CBR4: variants seen among roughly 807,000 people sequenced by gnomAD.
CBR4 encodes the protein 3-oxoacyl-[acyl-carrier-protein] reductase.
In CBR4, 22 loss-of-function variants were observed where a neutral mutation model predicts 21.0. That is an observed-to-expected ratio of 1.05 (90% confidence interval 0.75 to 1.50). CBR4 has a LOEUF of 1.50. Ranked by LOEUF, CBR4 falls within the 40% of genes most tolerant of loss-of-function variation. CBR4 has a pLI of 0.00. For missense variants in CBR4, 302 were observed against 286.3 expected (o/e 1.05, Z -0.40); for synonymous variants, 100 against 104.4 (o/e 0.96, Z 0.26).
intron 2 of CBR4, among the ~76,000 whole-genome samples, chr4:168,953,531 T>A (rs1763604730): frequency 6.6e-6 from 1 of 151,442 alleles, no homozygotes; most frequent in Non-Finnish European, 1.5e-5. Flanking sequence ...GACCAAGCAA[T>A]CCTCCTACAT....
At chr4:168,922,377 T>C (rs1165925449) in intron 2 of CBR4, among the ~76,000 whole-genome samples, 1 of 152,178 alleles carries the variant, frequency 6.6e-6, no homozygotes, top group Non-Finnish European at 1.5e-5. Flanking sequence ...TAACAAAACA[T>C]TTATTTCTTC....
intron 1 of CBR4, chr4:169,008,840 T>A (rs116518921): frequency 7.8e-4 from 304 of 391,498 alleles, no homozygotes; most frequent in African/African-American, 5.9e-3. Context: ...CTCCCTGACC[T>A]ATAACTTACA....
intron 2 of CBR4, among the ~76,000 whole-genome samples, chr4:168,979,706 TG>T (rs1764483437): frequency 6.6e-6 from 1 of 151,936 alleles, no homozygotes; most frequent in South Asian, 2.1e-4. Context: ...CTCTTCACCA[TG>T]TAGGGCCTCT....
At chr4:168,994,737 C>T (rs1029153039) in intron 4 of CBR4, among the ~76,000 whole-genome samples, 1 of 143,854 alleles carries the variant, frequency 7.0e-6, no homozygotes, top group African/African-American at 2.6e-5. Flanking sequence ...TACCACCACG[C>T]CTGGCTAATT....
intron 2 of CBR4, among the ~76,000 whole-genome samples, chr4:168,945,555 C>T (rs146939811): frequency 7.2e-5 from 11 of 152,156 alleles, no homozygotes; most frequent in African/African-American, 2.6e-4. Flanking sequence ...GGCAGCCTCA[C>T]TTGATTTGTT....
At chr4:168,941,963 C>T (rs1763276169) in intron 2 of CBR4, among the ~76,000 whole-genome samples, 2 of 152,098 alleles carry the variant, frequency 1.3e-5, no homozygotes, top group African/African-American at 4.8e-5. Flanking sequence ...TTTACAGTAG[C>T]AAAGACTTGG....
intron 2 of CBR4, among the ~76,000 whole-genome samples, chr4:168,912,757 T>A (rs895766045): frequency 2.6e-5 from 4 of 152,198 alleles, no homozygotes; most frequent in Non-Finnish European, 5.9e-5. Flanking sequence ...TCCAGCTATA[T>A]GAAAATACAC....
chr4:168,985,240 G>A (rs1199068279), downstream of CBR4, among the ~76,000 whole-genome samples: 2 of 152,120 alleles, frequency 1.3e-5, no homozygotes, highest in Non-Finnish European at 2.9e-5. Context: ...GATGTGAACA[G>A]ACATTTCTCA....
intron 2 of CBR4, among the ~76,000 whole-genome samples, chr4:168,957,643 A>G (rs1243061642): frequency 5.3e-5 from 8 of 152,194 alleles, no homozygotes; most frequent in Admixed American, 2.0e-4. Flanking sequence ...TCCCAGGCCC[A>G]GACAACTGTT....
intron 2 of CBR4, among the ~76,000 whole-genome samples, chr4:168,938,970 A>G (rs1352285474): frequency 6.6e-6 from 1 of 152,218 alleles, no homozygotes; most frequent in Non-Finnish European, 1.5e-5. Flanking sequence ...TCCTGATACC[A>G]AAACCTGGCA....
intron 4 of CBR4, among the ~76,000 whole-genome samples, chr4:169,000,180 A>G (rs1033584397): frequency 1.3e-5 from 2 of 152,250 alleles, no homozygotes; most frequent in African/African-American, 4.8e-5. Context: ...TAGTTCATCT[A>G]GGCTAACGCT....
intron 4 of CBR4, among the ~76,000 whole-genome samples, chr4:168,995,875 G>A (rs1414161279): frequency 6.6e-6 from 1 of 152,298 alleles, no homozygotes; most frequent in East Asian, 1.9e-4. Context: ...ATAAGGTCTT[G>A]TTAAATGTTA....
At chr4:168,903,455 C>T (rs1008568461) in intron 2 of CBR4, among the ~76,000 whole-genome samples, 2 of 152,022 alleles carry the variant, frequency 1.3e-5, no homozygotes, top group Non-Finnish European at 2.9e-5. Flanking sequence ...GAAGTAATGC[C>T]ACTTCATAGA....
At chr4:168,914,054 A>G (rs750730697) in intron 2 of CBR4, 2 of 1,243,304 alleles carry the variant, frequency 1.6e-6, no homozygotes, top group Non-Finnish European at 2.4e-6. Context: ...GAAGTGTTAC[A>G]TTATTTTATT....
chr4:168,974,575 C>A (rs981852007), intron 2 of CBR4, among the ~76,000 whole-genome samples: 2 of 152,034 alleles, frequency 1.3e-5, no homozygotes, highest in African/African-American at 4.8e-5. Context: ...TAACATAATT[C>A]CCAAATTTCT....
At chr4:168,919,333 G>A (rs1760927592) in intron 2 of CBR4, among the ~76,000 whole-genome samples, 1 of 152,040 alleles carries the variant, frequency 6.6e-6, no homozygotes. Context: ...AGACCAGCCT[G>A]GCCAACATGG....
intron 2 of CBR4, among the ~76,000 whole-genome samples, chr4:168,931,019 C>T (rs1237977885): frequency 6.6e-6 from 1 of 152,198 alleles, no homozygotes; most frequent in African/African-American, 2.4e-5. Context: ...CCACCAAGCA[C>T]ACATGGGTGG....
At chr4:168,901,762 G>T (rs1196092957) in intron 2 of CBR4, among the ~76,000 whole-genome samples, 1 of 152,124 alleles carries the variant, frequency 6.6e-6, no homozygotes, top group Non-Finnish European at 1.5e-5. Flanking sequence ...GGAGGCTGAG[G>T]CAAGAGATTC....
intron 2 of CBR4, among the ~76,000 whole-genome samples, chr4:168,945,374 A>C (rs1262744689): frequency 6.6e-6 from 1 of 152,234 alleles, no homozygotes; most frequent in Non-Finnish European, 1.5e-5. Flanking sequence ...GTTAGTAATA[A>C]ATAATCTTCC....
Sources: gnomAD v4.1 joint callset for allele counts (sites outside exome capture counted in the v4.1 genomes callset) on GRCh38, gnomAD v4.1.1 for gene constraint, MANE v1.5 for transcripts, NCBI Gene and HGNC (gene_info 2026-07-23, HGNC 2026-07-21) for gene names.